Variants in TMEFF2 observed in about 807,000 individuals in gnomAD.
The protein encoded by TMEFF2 is transmembrane protein with EGF like and two follistatin like domains 2, also known as tomoregulin-2.
TMEFF2 carries 28 observed loss-of-function variants against 53.8 expected under a neutral mutation model. The observed-to-expected ratio is 0.52, with a 90% CI of 0.39 to 0.71. The LOEUF (loss-of-function observed/expected upper bound fraction) is 0.71. TMEFF2 is among the 30% of genes least tolerant of loss of function. TMEFF2 has a pLI of 0.00. For missense variants in TMEFF2, 353 were observed against 455.2 expected (o/e 0.78, Z 2.04); for synonymous variants, 162 against 166.3 (o/e 0.97, Z 0.20).
intron 5 of TMEFF2, chr2:192,037,087 G>A (rs558847440): frequency 6.6e-5 from 10 of 151,966 alleles, no homozygotes; most frequent in African/African-American, 1.7e-4. Context: ...ATGACCTATC[G>A]TATGTACTAA....
chr2:191,975,670 G>T (rs1415525571), intron 7 of TMEFF2, among the ~76,000 whole-genome samples: 2 of 152,142 alleles, frequency 1.3e-5, no homozygotes, highest in African/African-American at 4.8e-5. Context: ...GCTGTGGCTA[G>T]CAGTGACAAG....
At chr2:191,953,918 C>T (rs1174553312) in intron 8 of TMEFF2, 81 bp from the exon 9 acceptor site, 8 of 1,022,100 alleles carry the variant, frequency 7.8e-6, no homozygotes, top group Non-Finnish European at 1.0e-5. Context: ...GAGACGGAGT[C>T]TCGCTCTGTC....
chr2:192,026,576 T>C (rs1353910839), intron 5 of TMEFF2, among the ~76,000 whole-genome samples: 2 of 152,190 alleles, frequency 1.3e-5, no homozygotes, highest in Non-Finnish European at 1.5e-5. Flanking sequence ...TCTGTTTATA[T>C]TGAATAAACA....
At chr2:192,034,173 TCAA>T (rs1687221643) in intron 5 of TMEFF2, among the ~76,000 whole-genome samples, 1 of 65,660 alleles carries the variant, frequency 1.5e-5, no homozygotes. Context: ...GGACTCCATT[TCAA>T]AAAAAAAAAA....
chr2:192,130,564 C>A (rs530971112), intron 4 of TMEFF2, among the ~76,000 whole-genome samples: 1 of 152,092 alleles, frequency 6.6e-6, no homozygotes, highest in Non-Finnish European at 1.5e-5. Flanking sequence ...AGCGATTAAC[C>A]CTGTGAATTT....
At chr2:192,172,078 C>G (rs568629930) in intron 4 of TMEFF2, among the ~76,000 whole-genome samples, 30 of 152,020 alleles carry the variant, frequency 2.0e-4, no homozygotes, top group African/African-American at 7.2e-4. Context: ...GGTATGCTCC[C>G]TTTTGGGAAC....
chr2:192,166,677 C>T (rs560894209), intron 4 of TMEFF2, among the ~76,000 whole-genome samples: 177 of 152,164 alleles, frequency 1.2e-3, no homozygotes, highest in Non-Finnish European at 2.0e-3. Context: ...ACATGCCCTG[C>T]AAAACGGGGC....
intron 4 of TMEFF2, among the ~76,000 whole-genome samples, chr2:192,176,383 C>T (rs910226350): frequency 4.6e-5 from 7 of 151,154 alleles, no homozygotes; most frequent in African/African-American, 1.7e-4. Context: ...ACTAATAATA[C>T]AAAATTATCT....
intron 5 of TMEFF2, among the ~76,000 whole-genome samples, chr2:192,052,670 G>T (rs779601871): frequency 2.0e-4 from 31 of 152,072 alleles, no homozygotes; most frequent in Non-Finnish European, 3.8e-4. Flanking sequence ...ATTTGGCAGG[G>T]TGTATTTGAG....
chr2:191,981,007 G>A (rs530970587), intron 7 of TMEFF2, among the ~76,000 whole-genome samples: 109 of 151,744 alleles, frequency 7.2e-4, no homozygotes, highest in African/African-American at 2.5e-3. Context: ...TGTTATGACC[G>A]TAGTCTTCTA....
chr2:192,112,403 GC>G (rs1689302903), intron 4 of TMEFF2, among the ~76,000 whole-genome samples: 4 of 152,254 alleles, frequency 2.6e-5, no homozygotes, highest in African/African-American at 9.6e-5. Context: ...TTTGCGTGGG[GC>G]CTGTACCCCC....
chr2:192,075,314 T>TATATATAAATATAA (rs1559115179), intron 4 of TMEFF2, among the ~76,000 whole-genome samples: 29 of 79,866 alleles, frequency 3.6e-4, no homozygotes, highest in South Asian at 6.6e-4. Context: ...TATATATATA[T>TATATATAAATATAA]ATATATATAT....
chr2:192,083,287 A>G (rs923785682), intron 4 of TMEFF2, among the ~76,000 whole-genome samples: 3 of 152,170 alleles, frequency 2.0e-5, no homozygotes, highest in Non-Finnish European at 4.4e-5. Flanking sequence ...GTCTGTCCCC[A>G]GTTCTCTCCA....
chr2:192,147,700 A>T (rs1373078548), intron 4 of TMEFF2, among the ~76,000 whole-genome samples: 1 of 151,988 alleles, frequency 6.6e-6, no homozygotes, highest in African/African-American at 2.4e-5. Context: ...TAACCCTTTC[A>T]TCTTACTATA....
At chr2:192,115,069 C>A (rs968945385) in intron 4 of TMEFF2, among the ~76,000 whole-genome samples, 4 of 151,796 alleles carry the variant, frequency 2.6e-5, no homozygotes, top group Non-Finnish European at 4.4e-5. Flanking sequence ...GCATTTTTCT[C>A]ACAGGTAAAA....
chr2:192,110,855 G>T (rs1376426303), intron 4 of TMEFF2, among the ~76,000 whole-genome samples: 2 of 151,992 alleles, frequency 1.3e-5, no homozygotes, highest in East Asian at 3.9e-4. Flanking sequence ...CTGAATCATG[G>T]GGGCAGTTTC....
chr2:192,020,551 ATTATATC>A (rs1686837279), intron 5 of TMEFF2, among the ~76,000 whole-genome samples: 3 of 152,098 alleles, frequency 2.0e-5, no homozygotes, highest in Non-Finnish European at 2.9e-5. Flanking sequence ...AAGTATGATG[ATTATATC>A]TTATATCATT....
intron 4 of TMEFF2, among the ~76,000 whole-genome samples, chr2:192,145,941 A>G (rs1258606417): frequency 6.6e-6 from 1 of 152,066 alleles, no homozygotes; most frequent in East Asian, 1.9e-4. Flanking sequence ...AAAACTGAAA[A>G]GCAACTTAAT....
At chr2:191,967,467 T>C (rs1008531909) in intron 7 of TMEFF2, among the ~76,000 whole-genome samples, 1 of 152,194 alleles carries the variant, frequency 6.6e-6, no homozygotes, top group African/African-American at 2.4e-5. Flanking sequence ...CTTCTTGTTC[T>C]AGTGCAGATT....
Sources: gnomAD v4.1 joint callset for allele counts (sites outside exome capture counted in the v4.1 genomes callset) on GRCh38, gnomAD v4.1.1 for gene constraint, MANE v1.5 for transcripts, NCBI Gene and HGNC (gene_info 2026-07-23, HGNC 2026-07-21) for gene names.